Variants in SMURF1 observed in about 807,000 individuals in gnomAD.
SMURF1 encodes E3 ubiquitin-protein ligase SMURF1.
A neutral mutation model predicts 98.0 loss-of-function variants in SMURF1; 44 were observed. The observed-to-expected ratio is 0.45, with a 90% CI of 0.35 to 0.58. The LOEUF (loss-of-function observed/expected upper bound fraction) is 0.58. Ranked by LOEUF, SMURF1 falls within the 20% of genes least tolerant of loss-of-function variation. The pLI is 0.00. For missense variants in SMURF1, 687 were observed against 938.4 expected, an observed-to-expected ratio of 0.73 and a Z score of 3.50; for synonymous variants, 396 against 374.9, an observed-to-expected ratio of 1.06 and a Z score of -0.65.
At chr7:99,137,661 C>G (rs532976725) in intron 1 of SMURF1, among the ~76,000 whole-genome samples, 1 of 152,184 alleles carries the variant, frequency 6.6e-6, no homozygotes. Context: ...ACGATGTTGC[C>G]GACATTCCTC....
Position 99,035,442 on chromosome 7 carries a change from C to G in SMURF1, c.2011+73G>C, listed in dbSNP as rs182498686. On this transcript the variant is annotated intron_variant, in intron 16 of 17. Coordinates refer to ENST00000361368, the MANE Select transcript of SMURF1 (RefSeq NM_181349.3). ...CACACATCTCAGAAAAACATCCCAG[C>G]CACCTTCCAGCTCTTCCTGCCCACA... is the stretch of plus-strand genomic sequence containing the variant. The G allele has an allele frequency of 2.3e-5, 36 of 1,547,378 alleles. 1 individual carries two copies. In the African/African-American group the frequency reaches 4.6e-4, roughly 20 times the overall value.
chr7:99,131,010 T>C (rs1241496450), intron 1 of SMURF1, among the ~76,000 whole-genome samples: 4 of 152,178 alleles, frequency 2.6e-5, no homozygotes, highest in African/African-American at 7.2e-5. Flanking sequence ...TTCTGCTGGA[T>C]TTAAAGCTGC....
At chr7:99,030,855 GATTTGTA>G (rs1290421938) in intron 17 of SMURF1, 172 bp from the exon 18 acceptor site, 4 of 542,068 alleles carry the variant, frequency 7.4e-6, no homozygotes. Context: ...CTAATACAAA[GATTTGTA>G]ATTTGTTTTT....
intron 1 of SMURF1, among the ~76,000 whole-genome samples, chr7:99,071,355 C>T (rs972113106): frequency 5.9e-5 from 9 of 152,190 alleles, no homozygotes; most frequent in East Asian, 5.8e-4. Flanking sequence ...CCACCGCGCC[C>T]GGCCAAAAAC....
chr7:99,076,143 G>A (rs1019583161), intron 1 of SMURF1, among the ~76,000 whole-genome samples: 3 of 152,146 alleles, frequency 2.0e-5, no homozygotes, highest in Non-Finnish European at 2.9e-5. Context: ...GGGCTCAAGC[G>A]ATCCTCCAGC....
At chr7:99,083,694 CGACT>C (rs1796616529) in intron 1 of SMURF1, among the ~76,000 whole-genome samples, 1 of 152,304 alleles carries the variant, frequency 6.6e-6, no homozygotes, top group East Asian at 1.9e-4. Context: ...TCAAGGATCT[CGACT>C]GCCTACAAAC....
chr7:99,052,316 C>A lies in SMURF1; in HGVS notation c.610G>T (p.Asp204Tyr). 1 of 1,613,042 alleles carries A rather than the reference C, an allele frequency of 6.2e-7. No individual in the cohort carries two copies. Residue 204 changes from aspartate to tyrosine, a missense_variant, in exon 7 of 18, where the codon GAT becomes TAT. This residue lies in a region of SMURF1 where 415 missense variants were observed against 508.4 expected (regional missense o/e 0.82). Coordinates refer to ENST00000361368, the MANE Select transcript of SMURF1 (RefSeq NM_181349.3). ...AGCCGCTGTGCCTGAAGTCTTTGAT[C>A]TTGACTTGGGGACTCCACGAACCTG... ...NCRFVESPSQ[D>Y]QRLQAQRLRN...
In SMURF1 at chr7:99,029,785, G is replaced by A. The variant is rs965589960; in HGVS notation, c.*799C>T. 2 of 152,020 alleles carry A rather than the reference G, an allele frequency of 1.3e-5. No individual in the cohort carries two copies. The highest frequency in any genetic ancestry group is 4.8e-5 in the African/African-American group (2 of 41,368). The allele number at this position is 152,020 out of a possible 1,614,324, so 9.4% of individuals were successfully genotyped here. A position where few individuals can be genotyped will look rare whatever the true frequency, so the allele number is the denominator to read the frequency against. On this transcript the variant is annotated 3_prime_UTR_variant, in exon 18 of 18. Coordinates refer to ENST00000361368, the MANE Select transcript of SMURF1 (RefSeq NM_181349.3). ...CTGGTTGGCTCTAGGGCTGATTTTG[G>A]TCTGCTCTTTCCTACACTCCATGAC...
At chr7:99,038,552 G>A in intron 13 of SMURF1, 27 bp from the exon 14 acceptor site, 1 of 1,604,902 alleles carries the variant, frequency 6.2e-7, no homozygotes, top group Non-Finnish European at 8.5e-7. Context: ...GAAGGATGTA[G>A]GTTAGAACTC....
rs1337634809 is a variant in SMURF1 at position 99,052,214 on chromosome 7, C to T, written c.712G>A (p.Glu238Lys). The T allele has an allele frequency of 1.3e-6, 2 of 1,562,588 alleles. No homozygotes were observed. Among genetic ancestry groups the T allele is most frequent in the South Asian group, 1.2e-5 (1 of 82,426 alleles). Residue 238 changes from glutamate to lysine, a missense_variant, in exon 7 of 18, where the codon GAA becomes AAA. Coordinates refer to ENST00000361368, the MANE Select transcript of SMURF1 (RefSeq NM_181349.3). ...GGATACATTCTCTCACCGTAGCCTT[C>T]GGGCAGTTCCGGGGACTGGTGGCCG... ...PHGHQSPELPEGYEQRTTVQG... is the reference protein window; with the variant it reads ...PHGHQSPELPKGYEQRTTVQG...
At chr7:99,064,098 C>A (rs1334793768) in intron 1 of SMURF1, among the ~76,000 whole-genome samples, 2 of 152,158 alleles carry the variant, frequency 1.3e-5, no homozygotes, top group African/African-American at 4.8e-5. Flanking sequence ...TTAAACCAAC[C>A]CTGCATTGTG....
At chr7:99,043,057 C>T (rs1795446635) in intron 11 of SMURF1, among the ~76,000 whole-genome samples, 1 of 152,126 alleles carries the variant, frequency 6.6e-6, no homozygotes, top group Admixed American at 6.6e-5. Context: ...TGAATTCATC[C>T]CAAGTTTTGG....
intron 11 of SMURF1, chr7:99,045,452 G>T (rs928397627): frequency 2.0e-6 from 1 of 488,552 alleles, no homozygotes; most frequent in Non-Finnish European, 3.6e-6. Flanking sequence ...TTTACAAGAA[G>T]TCAATTAGTG....
chr7:99,059,404 A>AAAAAT, intron 3 of SMURF1, among the ~76,000 whole-genome samples: 1 of 23,180 alleles, frequency 4.3e-5, no homozygotes, highest in African/African-American at 2.6e-4. Flanking sequence ...TCTCAAAAAA[A>AAAAAT]AATAAAATAA....
intron 1 of SMURF1, among the ~76,000 whole-genome samples, chr7:99,108,081 G>A (rs1000216604): frequency 1.3e-5 from 2 of 152,010 alleles, no homozygotes; most frequent in South Asian, 2.1e-4. Context: ...CAAAAACCAC[G>A]AACAGAACAA....
At chr7:99,141,800 G>A (rs1174964851) in intron 1 of SMURF1, among the ~76,000 whole-genome samples, 4 of 152,164 alleles carry the variant, frequency 2.6e-5, no homozygotes, top group Non-Finnish European at 4.4e-5. Context: ...CTGCGCATCT[G>A]CCATAAAGTG....
At chr7:99,100,936 G>A (rs1431365689) in intron 1 of SMURF1, among the ~76,000 whole-genome samples, 1 of 152,158 alleles carries the variant, frequency 6.6e-6, no homozygotes, top group East Asian at 1.9e-4. Flanking sequence ...GATAAGCAAG[G>A]TGGAGAAAAG....
chr7:99,093,935 TAATG>T (rs935699333), intron 1 of SMURF1, among the ~76,000 whole-genome samples: 57 of 152,234 alleles, frequency 3.7e-4, no homozygotes, highest in African/African-American at 1.2e-3. Flanking sequence ...AACTAACAAA[TAATG>T]AAAGTCAGTC....
intron 1 of SMURF1, among the ~76,000 whole-genome samples, chr7:99,113,073 G>A (rs889788490): frequency 6.6e-6 from 1 of 152,220 alleles, no homozygotes; most frequent in East Asian, 1.9e-4. Flanking sequence ...AGGAATCCCA[G>A]AATGAGAGAA....
Sources: gnomAD v4.1 joint callset for allele counts (sites outside exome capture counted in the v4.1 genomes callset) on GRCh38, gnomAD v4.1.1 for gene constraint, gnomAD v4.1.1 regional missense constraint, MANE v1.5 for transcripts, NCBI Gene and HGNC (gene_info 2026-07-23, HGNC 2026-07-21) for gene names.